The following ITLN2 variants were observed in gnomAD, a reference collection of about 807,000 sequenced individuals.
ITLN2 encodes intelectin-2.
A neutral mutation model predicts 39.4 loss-of-function variants in ITLN2; 29 were observed. That is an observed-to-expected ratio of 0.74 (90% CI 0.55 to 1.00). The LOEUF is 1.00. ITLN2 is among the 50% of genes least tolerant of loss of function. The pLI is 0.00. For synonymous variants in ITLN2, 156 were observed against 153.4 expected, an observed-to-expected ratio of 1.02 and a Z score of -0.12; for missense variants, 412 against 416.7, an observed-to-expected ratio of 0.99 and a Z score of 0.10.
chr1:160,951,944 A>G (rs559012239), intron 3 of ITLN2, among the ~76,000 whole-genome samples: 82 of 152,258 alleles, frequency 5.4e-4, no homozygotes, highest in African/African-American at 1.9e-3. Flanking sequence ...GGTTCTGAAG[A>G]GGTATGAGGC....
intron 6 of ITLN2, chr1:160,949,818 G>T: frequency 2.0e-6 from 1 of 497,486 alleles, no homozygotes; most frequent in Non-Finnish European, 3.6e-6. Flanking sequence ...AGGTGGTGAT[G>T]AAGAAACCTG....
In ITLN2 at chr1:160,952,690, G is replaced by A. The variant is rs1220452001; in HGVS notation, c.123C>T (p.Thr41=). 20 of 1,613,992 alleles carry A rather than the reference G, an allele frequency of 1.2e-5. No individual in the cohort carries two copies. The highest frequency in any genetic ancestry group is 1.6e-5 in the Non-Finnish European group (19 of 1,180,002). The change falls in exon 3 of 8, where the codon ACC becomes ACT. Residue 41 remains threonine, a synonymous_variant. Coordinates refer to ENST00000368029, the MANE Select transcript of ITLN2 (RefSeq NM_080878.3). ...GCAGGGAAGAAAAGGAGAAGGCACA[G>A]GTTTCGAATTCCCTCGAGAGCATCT... ...SLEMLSREFE[T]CAFSFSSLPR...
In ITLN2 at chr1:160,945,924, C is replaced by T. The variant is rs370303106; in HGVS notation, c.826-632G>A. The stretch of plus-strand genomic sequence containing the variant: ...AGATTAATATTGGAGAATATTTTCA[C>T]GACCTCGGTGTAAGGAGGTACATCT... On this transcript the variant is annotated intron_variant, in intron 7 of 7. Coordinates refer to ENST00000368029, the MANE Select transcript of ITLN2 (RefSeq NM_080878.3). Among the ~76,000 whole-genome samples, 47 of 152,200 alleles carry T rather than the reference C, an allele frequency of 3.1e-4. 1 individual carries two copies. In the East Asian group the frequency reaches 8.1e-3, roughly 26 times the overall value.
rs775983818 is a variant in ITLN2 at position 160,947,880 on chromosome 1, T to C, written c.825+49A>G. The C allele has an allele frequency of 3.3e-5, 41 of 1,226,716 alleles. No individual in the cohort carries two copies. The East Asian group carries it at 4.6e-4, about 14-fold the overall frequency. 76.0% of individuals were successfully genotyped at this position (1,226,716 alleles called of 1,614,324 possible). A position where few individuals can be genotyped will look rare whatever the true frequency, so the allele number is the denominator to read the frequency against. On this transcript the variant is annotated intron_variant, in intron 7 of 7. Transcript: ENST00000368029. ...ACATAGACACAGTAACAATCTGATCTCTCTTTCTTTTCCCCACACGTGGGC... is the reference window on the plus strand; with the variant it reads ...ACATAGACACAGTAACAATCTGATCCCTCTTTCTTTTCCCCACACGTGGGC...
Position 160,954,396 on chromosome 1 carries a change from A to T in ITLN2, c.70T>A (p.Cys24Ser). 1 of 1,573,918 alleles carries T rather than the reference A, an allele frequency of 6.4e-7. No individual in the cohort carries two copies. The highest frequency in any genetic ancestry group is 8.6e-7 in the Non-Finnish European group (1 of 1,157,922). The change falls in exon 2 of 8, where the codon TGC becomes AGC. Residue 24 changes from cysteine (C) to serine (S), a missense_variant. Transcript: ENST00000368029. Reference sequence around the variant, plus strand: ...CTCAGAAGCCATTTACCTGCACTGCACCCACTGGTGGCCACAGAGAAGAAT... The same window carrying T: ...CTCAGAAGCCATTTACCTGCACTGCTCCCACTGGTGGCCACAGAGAAGAAT... ...LLFFSVATSG[C>S]SAAAASSLEM...
At chr1:160,946,765 A>G (rs777620324) in intron 7 of ITLN2, among the ~76,000 whole-genome samples, 9 of 152,078 alleles carry the variant, frequency 5.9e-5, no homozygotes, top group Non-Finnish European at 1.0e-4. Flanking sequence ...AAAAGAAATA[A>G]AAAATAAATT....
Position 160,952,685 on chromosome 1 carries a change from G to A in ITLN2, c.128C>T (p.Ala43Val). Residue 43 changes from alanine to valine, a missense_variant, in exon 3 of 8, where the codon GCC (alanine) becomes GTC (valine). Ala to Val is a moderately conservative substitution (Grantham distance 64). Transcript: ENST00000368029. ...EMLSREFETCAFSFSSLPRSC... is the reference protein window; with the variant it reads ...EMLSREFETCVFSFSSLPRSC... ...TCTAGGCAGGGAAGAAAAGGAGAAG[G>A]CACAGGTTTCGAATTCCCTCGAGAG... The A allele has an allele frequency of 6.2e-7, 1 of 1,614,118 alleles. No homozygotes were observed. The highest frequency in any genetic ancestry group is 8.5e-7 in the Non-Finnish European group (1 of 1,179,986).
At chr1:160,954,012 T>G (rs902687836) in intron 2 of ITLN2, among the ~76,000 whole-genome samples, 1 of 151,722 alleles carries the variant, frequency 6.6e-6, no homozygotes, top group Non-Finnish European at 1.5e-5. Flanking sequence ...TAGAGGAGGG[T>G]GTACCCTGGA....
In ITLN2 at chr1:160,945,114, T is replaced by C; in HGVS notation, c.*26A>G. 6.4e-7 allele frequency: 1 copy of C among 1,551,386 alleles called. No homozygotes were observed. Among genetic ancestry groups the C allele is most frequent in the Non-Finnish European group, 8.6e-7 (1 of 1,160,598 alleles). On this transcript the variant is annotated 3_prime_UTR_variant, in exon 8 of 8. Transcript: ENST00000368029. ...ATAGCCGGGGTTGGAAGATGGGTTC[T>C]CGCCCTGACACCGCAGAGCTCTGTC...
chr1:160,954,277 T>TC (rs1671814858), intron 2 of ITLN2, 110 bp downstream of exon 2: 1 of 839,930 alleles, frequency 1.2e-6, no homozygotes, highest in African/African-American at 1.7e-5. Flanking sequence ...CTCCAGAACT[T>TC]CCCCTTTGAC....
chr1:160,954,555 T>C, intron 1 of ITLN2, 105 bp from the exon 2 acceptor site: 1 of 1,230,972 alleles, frequency 8.1e-7, no homozygotes, highest in Admixed American at 2.0e-5. Context: ...AAATGGAAAG[T>C]GATGGGCTCA....
In ITLN2 at chr1:160,951,237, C is replaced by A. The variant is rs1671736192; in HGVS notation, c.247G>T (p.Asp83Tyr). 6.2e-7 allele frequency: 1 copy of A among 1,611,396 alleles called. No homozygotes were observed. The highest frequency in any genetic ancestry group is 8.5e-7 in the Non-Finnish European group (1 of 1,178,494). Residue 83 changes from aspartate (D) to tyrosine (Y), a missense_variant, in exon 4 of 8, where the codon GAC (aspartate) becomes TAC (tyrosine). By Grantham distance (160) the Asp-to-Tyr change is radical. Coordinates refer to ENST00000368029, the MANE Select transcript of ITLN2 (RefSeq NM_080878.3). ...KNGVVYQTFC[D>Y]MTSGGGGWTL... ...CAGCCGCCACCCCCAGAAGTCATGT[C>A]ACAGAAGGTCTGGTAGACAACACCA...
chr1:160,950,046 G>T lies in ITLN2; in HGVS notation c.721C>A (p.Arg241=), dbSNP rs370385998. 2 of 1,613,030 alleles carry T rather than the reference G, an allele frequency of 1.2e-6. No individual in the cohort carries two copies. The highest frequency in any genetic ancestry group is 1.7e-6 in the Non-Finnish European group (2 of 1,179,186). The change falls in exon 6 of 8, where the codon CGG becomes AGG. Residue 241 remains arginine (R), a splice_region_variant and synonymous_variant. Coordinates refer to ENST00000368029, the MANE Select transcript of ITLN2 (RefSeq NM_080878.3). ...TASYYSPYGQ[R]EFVAGFVQFR... is the part of the protein sequence containing the mutation. ...CTGGACTTAGGGAGCAAACACTCAC[G>T]TTGACCATACGGTGAGTAATAAGAT...
intron 2 of ITLN2, among the ~76,000 whole-genome samples, chr1:160,953,859 G>A (rs1263510613): frequency 6.6e-6 from 1 of 152,118 alleles, no homozygotes; most frequent in African/African-American, 2.4e-5. Context: ...GATCAAATGA[G>A]ATGACATATG....
rs528198365 is a variant in ITLN2 at position 160,946,831 on chromosome 1, G to A, written c.825+1098C>T. Among the ~76,000 whole-genome samples, 8 of 152,050 alleles carry A rather than the reference G, an allele frequency of 5.3e-5. No individual in the cohort carries two copies. In the South Asian group the frequency reaches 1.0e-3, roughly 20 times the overall value. On this transcript the variant is annotated intron_variant, in intron 7 of 7. Coordinates refer to ENST00000368029, the MANE Select transcript of ITLN2 (RefSeq NM_080878.3). ...GAGAGTAAACAGAATGAGAGTAAGC[G>A]AGTAACCACAGAGACACACATTGAT...
chr1:160,954,571 A>C, intron 1 of ITLN2, 121 bp from the exon 2 acceptor site: 3 of 1,207,212 alleles, frequency 2.5e-6, no homozygotes, highest in East Asian at 5.0e-5. Flanking sequence ...GCTCATGAGC[A>C]TTCTAAAACC....
intron 6 of ITLN2, chr1:160,948,935 C>T (rs1363443140): frequency 1.3e-5 from 2 of 152,056 alleles, no homozygotes; most frequent in African/African-American, 2.4e-5. Context: ...AAAAGTGGGC[C>T]CAGGGGACTG....
intron 6 of ITLN2, chr1:160,948,539 G>A (rs1388410765): frequency 6.6e-6 from 1 of 151,420 alleles, no homozygotes; most frequent in Non-Finnish European, 1.5e-5. Flanking sequence ...ACTGTCTTTT[G>A]TAAGATAATT....
At position 160,954,787 on chromosome 1, in the gene ITLN2, G is replaced by A. The variant is rs774508533; in HGVS notation, c.-46C>T. The A allele has an allele frequency of 5.2e-5, 83 of 1,608,346 alleles. No homozygotes were observed. The highest frequency in any genetic ancestry group is 1.7e-4 in the Admixed American group (10 of 59,820). On this transcript the variant is annotated 5_prime_UTR_variant, in exon 1 of 8. Transcript: ENST00000368029. ...GATAGTTCCCTTCCTGTGGACACTC[G>A]GAGCTCCCCTGCAGAGGATCCTGAT...
Sources: allele counts gnomAD v4.1 joint callset (sites outside exome capture counted in the v4.1 genomes callset), GRCh38; gene constraint gnomAD v4.1.1; transcripts MANE v1.5; gene names NCBI Gene and HGNC (gene_info 2026-07-23, HGNC 2026-07-21).